Variants in IL6ST observed in about 807,000 individuals in gnomAD.
IL6ST encodes the protein interleukin-6 receptor subunit beta.
In IL6ST, 24 loss-of-function variants were observed where a neutral mutation model predicts 91.3. The ratio of observed to expected loss-of-function variants is 0.26; its 90% CI spans 0.19 to 0.37. The LOEUF (loss-of-function observed/expected upper bound fraction) is 0.37, where lower values mean the gene tolerates loss of function less well. Among genes scored for constraint, IL6ST ranks in the 10% least tolerant of loss-of-function variants. The probability of loss-of-function intolerance (pLI) is 1.00; values close to 1 mark genes in which losing one functional copy is unlikely to be tolerated. For missense variants in IL6ST, 914 were observed against 1,078.5 expected, an observed-to-expected ratio of 0.85 and a Z score of 2.14; for synonymous variants, 351 against 373.6, an observed-to-expected ratio of 0.94 and a Z score of 0.70.
Position 55,935,842 on chromosome 5 carries a change from C to G in IL6ST, c.*5240G>C, listed in dbSNP as rs912737175. 4.6e-6 allele frequency: 1 copy of G among 217,628 alleles called. No homozygotes were observed. Among genetic ancestry groups the G allele is most frequent in the South Asian group, 1.9e-4 (1 of 5,394 alleles). The allele number at this position is 217,628 out of a possible 1,614,324, so 13.5% of individuals were successfully genotyped here. A position where few individuals can be genotyped will look rare whatever the true frequency, so the allele number is the denominator to read the frequency against. On this transcript the variant is annotated 3_prime_UTR_variant, in exon 17 of 17. Coordinates refer to ENST00000381298, the MANE Select transcript of IL6ST (RefSeq NM_002184.4). Reference sequence around the variant, plus strand: ...GCCTTTGGGCTAGAGAAAGAGTATGCTCTCAAGGAGTTACATAATCTTTTC... The same window carrying G: ...GCCTTTGGGCTAGAGAAAGAGTATGGTCTCAAGGAGTTACATAATCTTTTC...
chr5:55,956,505 G>T (rs747701662), intron 9 of IL6ST, among the ~76,000 whole-genome samples: 11 of 152,106 alleles, frequency 7.2e-5, no homozygotes, highest in Non-Finnish European at 1.3e-4. Context: ...GGCTATGTAG[G>T]TCTAAATTAT....
intron 10 of IL6ST, among the ~76,000 whole-genome samples, chr5:55,955,326 G>A (rs1751888361): frequency 6.6e-6 from 1 of 152,120 alleles, no homozygotes; most frequent in South Asian, 2.1e-4. Flanking sequence ...GCATTGTGGT[G>A]CGTGCCTTTA....
intron 4 of IL6ST, 65 bp from the exon 5 acceptor site, chr5:55,968,461 A>G: frequency 6.8e-7 from 1 of 1,461,026 alleles, no homozygotes. Context: ...CAATTTATAT[A>G]CTACCCAAGG....
At chr5:55,984,850 T>C (rs559673998) in intron 1 of IL6ST, among the ~76,000 whole-genome samples, 3 of 152,174 alleles carry the variant, frequency 2.0e-5, no homozygotes, top group South Asian at 2.1e-4. Flanking sequence ...TAAGGGATAC[T>C]GTAACAAAGG....
chr5:55,980,903 T>G (rs1364001796), intron 2 of IL6ST, among the ~76,000 whole-genome samples: 1 of 152,126 alleles, frequency 6.6e-6, no homozygotes, highest in Non-Finnish European at 1.5e-5. Flanking sequence ...TTTTTAAAAA[T>G]TTTTCTGTAA....
Position 55,941,190 on chromosome 5 carries a change from T to C in IL6ST, c.2649A>G (p.Gly883=). The C allele has an allele frequency of 6.2e-7, 1 of 1,614,164 alleles. No homozygotes were observed. The highest frequency in any genetic ancestry group is 1.3e-5 in the African/African-American group (1 of 75,052). ...CAACTGTTTCAAATCTTTCTACTTG[T>C]CCCTCAGTACCTGGACCAAAAGCAT... ...AADAFGPGTE[G]QVERFETVGM... Residue 883 remains glycine, a synonymous_variant, in exon 17 of 17, where the codon GGA becomes GGG. Coordinates refer to ENST00000381298, the MANE Select transcript of IL6ST (RefSeq NM_002184.4).
intron 3 of IL6ST, among the ~76,000 whole-genome samples, chr5:55,973,262 T>C (rs1460949129): frequency 7.3e-6 from 1 of 136,456 alleles, no homozygotes; most frequent in East Asian, 1.9e-4. Flanking sequence ...ATTTATCCCA[T>C]CCCACGTTTT....
intron 8 of IL6ST, among the ~76,000 whole-genome samples, chr5:55,960,038 A>G (rs893973009): frequency 1.3e-5 from 2 of 151,772 alleles, no homozygotes. Context: ...GGCGCCCACC[A>G]CCACGCCCGG....
At chr5:55,946,906 G>GT (rs1460835948) in intron 15 of IL6ST, among the ~76,000 whole-genome samples, 14 of 151,888 alleles carry the variant, frequency 9.2e-5, no homozygotes, top group Non-Finnish European at 1.6e-4. Context: ...TACACGCTAT[G>GT]TGATTCTATT....
intron 11 of IL6ST, 99 bp downstream of exon 11, chr5:55,954,711 G>T (rs1751851650): frequency 1.3e-6 from 1 of 791,668 alleles, no homozygotes; most frequent in Non-Finnish European, 2.0e-6. Context: ...TGATAAATTG[G>T]AAGTCGTTTC....
chr5:55,938,306 G>A lies in IL6ST; in HGVS notation c.*2776C>T. On this transcript the variant is annotated 3_prime_UTR_variant, in exon 17 of 17. Coordinates refer to ENST00000381298, the MANE Select transcript of IL6ST (RefSeq NM_002184.4). ...TTTTTCCTTGCTGCTGTTCCCGAGT[G>A]CCGACTGATCCATAGTAAAAAAGGA... The A allele has an allele frequency of 5.2e-6, 1 of 191,550 alleles. No individual in the cohort carries two copies. Among genetic ancestry groups the A allele is most frequent in the East Asian group, 8.3e-5 (1 of 12,108 alleles). The allele number at this position is 191,550 out of a possible 1,614,324, so 11.9% of individuals were successfully genotyped here. A position where few individuals can be genotyped will look rare whatever the true frequency, so the allele number is the denominator to read the frequency against.
chr5:55,957,964 A>G (rs1422148901), intron 8 of IL6ST, among the ~76,000 whole-genome samples: 1 of 152,246 alleles, frequency 6.6e-6, no homozygotes, highest in Admixed American at 6.5e-5. Flanking sequence ...ATTCACAAGA[A>G]TAATAAAACA....
rs1750895979 is a variant in IL6ST, at chr5:55,941,319, G to A, written c.2520C>T (p.Val840=). 1 of 1,613,844 alleles carries A rather than the reference G, an allele frequency of 6.2e-7. No homozygotes were observed. Among genetic ancestry groups the A allele is most frequent in the Admixed American group, 1.7e-5 (1 of 60,004 alleles). ...TAAGTCTAACAAAATCTTCCTCATT[G>A]ACTGATGAAACTTGCTTTGACCTTT... ...HFERSKQVSS[V]NEEDFVRLKQ... is the part of the protein sequence containing the mutation. Residue 840 remains valine, a synonymous_variant, in exon 17 of 17, where the codon GTC becomes GTT. Coordinates refer to ENST00000381298, the MANE Select transcript of IL6ST (RefSeq NM_002184.4).
At position 55,941,614 on chromosome 5, in the gene IL6ST, G is replaced by C. The variant is rs1430525382; in HGVS notation, c.2225C>G (p.Ser742Cys). ...SCMSSSRPSI[S>C]SSDENESSQN... ...TGAAGATTCATTTTCATCACTGCTA[G>C]AAATGCTTGGCCTAGAAGATGACAT... Residue 742 changes from serine to cysteine, a missense_variant, in exon 17 of 17, where the codon TCT becomes TGT. Transcript: ENST00000381298. 1.2e-6 allele frequency: 2 copies of C among 1,614,164 alleles called. No homozygotes were observed. Among genetic ancestry groups the C allele is most frequent in the Non-Finnish European group, 1.7e-6 (2 of 1,180,004 alleles).
intron 7 of IL6ST, among the ~76,000 whole-genome samples, chr5:55,962,808 A>G (rs1270279702): frequency 6.6e-6 from 1 of 152,062 alleles, no homozygotes; most frequent in Non-Finnish European, 1.5e-5. Context: ...ATTCTTTGTA[A>G]CACCCATCAA....
chr5:55,949,099 G>T (rs1661284206), intron 14 of IL6ST: 1 of 152,078 alleles, frequency 6.6e-6, no homozygotes, highest in Non-Finnish European at 1.5e-5. Flanking sequence ...ATGTTATTTT[G>T]GGGTAAGGGA....
intron 14 of IL6ST, among the ~76,000 whole-genome samples, chr5:55,950,392 C>A (rs371278616): frequency 2.0e-5 from 3 of 151,670 alleles, no homozygotes; most frequent in East Asian, 2.0e-4. Context: ...AAAAAATTAG[C>A]CAGGCATGGT....
intron 5 of IL6ST, among the ~76,000 whole-genome samples, chr5:55,967,963 T>C (rs1398062180): frequency 6.6e-6 from 1 of 152,100 alleles, no homozygotes; most frequent in East Asian, 1.9e-4. Flanking sequence ...GCCTGGCTAA[T>C]TTTTGTAGTT....
intron 1 of IL6ST, among the ~76,000 whole-genome samples, chr5:55,985,207 G>A (rs1450240102): frequency 6.6e-6 from 1 of 152,092 alleles, no homozygotes; most frequent in Non-Finnish European, 1.5e-5. Context: ...TATCTAAGAA[G>A]TCTTTGCTTA....
Sources: gnomAD v4.1 joint callset for allele counts (sites outside exome capture counted in the v4.1 genomes callset) on GRCh38, gnomAD v4.1.1 for gene constraint, MANE v1.5 for transcripts, NCBI Gene and HGNC (gene_info 2026-07-23, HGNC 2026-07-21) for gene names.